GRHL2: variants seen among roughly 807,000 people sequenced by gnomAD.
GRHL2 encodes the protein grainyhead like transcription factor 2, also known as grainyhead-like protein 2 homolog.
In GRHL2, 21 loss-of-function variants were observed where a neutral mutation model predicts 83.8. The observed-to-expected ratio is 0.25, with a 90% CI of 0.18 to 0.36. The LOEUF is 0.36. GRHL2 is among the 10% of genes least tolerant of loss of function. The pLI is 1.00. For missense variants in GRHL2, 623 were observed against 781.8 expected (o/e 0.80, Z 2.42); for synonymous variants, 280 against 278.9 (o/e 1.00, Z -0.04).
chr8:101,678,860 G>A, the GRHL2 span, among the ~76,000 whole-genome samples: 1 of 147,480 alleles, frequency 6.8e-6, no homozygotes, highest in East Asian at 2.0e-4. Context: ...CTGCAGCTGA[G>A]GGTCCTGTCT....
chr8:101,564,787 G>A (rs1476495624), intron 4 of GRHL2, among the ~76,000 whole-genome samples: 1 of 144,986 alleles, frequency 6.9e-6, no homozygotes, highest in African/African-American at 2.6e-5. Flanking sequence ...ACTCCAACTT[G>A]GGTGACAGAG....
At chr8:101,494,147 CG>C (rs948630437) in intron 1 of GRHL2, among the ~76,000 whole-genome samples, 2 of 152,124 alleles carry the variant, frequency 1.3e-5, no homozygotes, top group African/African-American at 4.8e-5. Context: ...CGGAGAGGGC[CG>C]GTGCCCCAAG....
chr8:101,597,493 T>C (rs925981635), intron 7 of GRHL2, among the ~76,000 whole-genome samples: 1 of 152,122 alleles, frequency 6.6e-6, no homozygotes, highest in Non-Finnish European at 1.5e-5. Flanking sequence ...TGGAATACTA[T>C]GCAGCCATAA....
chr8:101,529,525 T>C, intron 1 of GRHL2: 1 of 219,644 alleles, frequency 4.6e-6, no homozygotes, highest in Non-Finnish European at 9.3e-6. Context: ...TTGCTTTAGT[T>C]CAGCAATCTT....
chr8:101,602,117 A>G (rs1366387807), intron 8 of GRHL2, among the ~76,000 whole-genome samples: 1 of 152,220 alleles, frequency 6.6e-6, no homozygotes, highest in Non-Finnish European at 1.5e-5. Flanking sequence ...AAGAGCTTTT[A>G]AAGAGAAATC....
At chr8:101,664,140 T>C (rs1813989396) in intron 14 of GRHL2, among the ~76,000 whole-genome samples, 1 of 152,250 alleles carries the variant, frequency 6.6e-6, no homozygotes, top group Non-Finnish European at 1.5e-5. Context: ...GAATCCAATA[T>C]AACTTGTTAA....
intron 1 of GRHL2, among the ~76,000 whole-genome samples, chr8:101,495,185 C>CT (rs1563549379): frequency 6.6e-6 from 1 of 152,210 alleles, no homozygotes; most frequent in Non-Finnish European, 1.5e-5. Flanking sequence ...AAGTGAGAGG[C>CT]TTCATCAGCC....
intron 8 of GRHL2, among the ~76,000 whole-genome samples, chr8:101,605,743 G>A (rs773434153): frequency 5.3e-5 from 8 of 152,160 alleles, no homozygotes; most frequent in East Asian, 3.9e-4. Context: ...ACTCTTCAAC[G>A]GAGCATTTGC....
intron 4 of GRHL2, chr8:101,562,232 C>G (rs1811621502): frequency 1.7e-6 from 1 of 598,398 alleles, no homozygotes; most frequent in East Asian, 3.5e-5. Context: ...TACTTTTATT[C>G]CATAGCTCTC....
At chr8:101,522,901 C>G (rs1810718436) in intron 1 of GRHL2, among the ~76,000 whole-genome samples, 1 of 150,628 alleles carries the variant, frequency 6.6e-6, no homozygotes, top group Middle Eastern at 3.2e-3. Context: ...AAGTAGAAAT[C>G]TATTATTCTT....
rs192168679 is a variant in GRHL2 at position 101,611,829 on chromosome 8, T to G, written c.1099-7710T>G. Among the ~76,000 whole-genome samples, 156 of 151,042 alleles carry G rather than the reference T, an allele frequency of 1.0e-3. 4 individuals are homozygous for G. The highest frequency in any genetic ancestry group is 1.8e-3 in the Non-Finnish European group (120 of 68,008). On this transcript the variant is annotated intron_variant, in intron 8 of 15. Coordinates refer to ENST00000646743, the MANE Select transcript of GRHL2 (RefSeq NM_024915.4). ...CACTCCCTGCCTTTCAGGTTCTTTC[T>G]TCACCTTCCAGATATAAACCCTCCT...
At chr8:101,573,232 T>G (rs1811862633) in intron 5 of GRHL2, among the ~76,000 whole-genome samples, 3 of 145,726 alleles carry the variant, frequency 2.1e-5, no homozygotes, top group Admixed American at 2.1e-4. Flanking sequence ...TGTAACACCT[T>G]GGTTAGACAA....
intron 14 of GRHL2, among the ~76,000 whole-genome samples, chr8:101,660,467 A>C (rs932158824): frequency 5.3e-5 from 8 of 151,982 alleles, no homozygotes; most frequent in Admixed American, 5.2e-4. Flanking sequence ...TTCTTTCTTT[A>C]TCTTTCTCTT....
intron 14 of GRHL2, among the ~76,000 whole-genome samples, chr8:101,651,197 C>G (rs1813615582): frequency 6.6e-6 from 1 of 152,220 alleles, no homozygotes; most frequent in South Asian, 2.1e-4. Flanking sequence ...TCAGACCTCT[C>G]TGGACAACTT....
At chr8:101,676,105 C>A in the GRHL2 span, among the ~76,000 whole-genome samples, 1 of 151,398 alleles carries the variant, frequency 6.6e-6, no homozygotes, top group Non-Finnish European at 1.5e-5. Flanking sequence ...ACCATAAAAA[C>A]CCTAGAAGAA....
At chr8:101,652,459 GTGTGTGTGGTGTGTGTGTGGT>G in intron 14 of GRHL2, among the ~76,000 whole-genome samples, 1 of 52,426 alleles carries the variant, frequency 1.9e-5, no homozygotes, top group African/African-American at 1.2e-4. Flanking sequence ...TGTGTGTCTG[GTGTGTGTGGTGTGTGTGTGGT>G]ATGTGTGTAT....
chr8:101,607,112 T>A (rs1311675814), intron 8 of GRHL2, among the ~76,000 whole-genome samples: 1 of 152,228 alleles, frequency 6.6e-6, no homozygotes, highest in Non-Finnish European at 1.5e-5. Context: ...CCCCCTTCCC[T>A]CTATCTCTCT....
intron 1 of GRHL2, among the ~76,000 whole-genome samples, chr8:101,542,484 C>T (rs1880634): frequency 0.49 from 73,475 of 150,406 alleles, 18,665 homozygotes; most frequent in Non-Finnish European, 0.55. Context: ...ACCTGGGAAG[C>T]GGAGGTTTCA....
intron 11 of GRHL2, among the ~76,000 whole-genome samples, chr8:101,632,737 A>G (rs1369304944): frequency 6.6e-6 from 1 of 152,250 alleles, no homozygotes; most frequent in Non-Finnish European, 1.5e-5. Flanking sequence ...GTAACTGCAT[A>G]AAGTTGCACA....
Sources: gnomAD v4.1 joint callset for allele counts (sites outside exome capture counted in the v4.1 genomes callset) on GRCh38, gnomAD v4.1.1 for gene constraint, MANE v1.5 for transcripts, NCBI Gene and HGNC (gene_info 2026-07-23, HGNC 2026-07-21) for gene names.